The following EPHA3 variants were observed in gnomAD, a reference collection of about 807,000 sequenced individuals.
EPHA3 encodes ephrin type-A receptor 3.
Under a neutral mutation model 107.1 loss-of-function variants are expected in EPHA3, and 42 were observed. That is an observed-to-expected ratio of 0.39 (90% CI 0.31 to 0.51). The LOEUF is 0.51. EPHA3 is among the 20% of genes least tolerant of loss of function. The pLI is 0.78. For missense variants in EPHA3, 1,183 were observed against 1,211.2 expected, an observed-to-expected ratio of 0.98 and a Z score of 0.35; for synonymous variants, 461 against 424.8, an observed-to-expected ratio of 1.09 and a Z score of -1.05.
intron 5 of EPHA3, among the ~76,000 whole-genome samples, chr3:89,360,002 C>T (rs1377883442): frequency 1.3e-5 from 2 of 149,696 alleles, no homozygotes; most frequent in African/African-American, 4.9e-5. Context: ...GTAATGGAGA[C>T]ATTATTACCC....
chr3:89,310,590 A>G (rs1014149153), intron 3 of EPHA3, among the ~76,000 whole-genome samples: 4 of 151,862 alleles, frequency 2.6e-5, no homozygotes, highest in Non-Finnish European at 5.9e-5. Context: ...TCTCCAAAAA[A>G]CAGGGACACA....
At chr3:89,291,548 A>C (rs1168759598) in intron 3 of EPHA3, among the ~76,000 whole-genome samples, 2 of 152,186 alleles carry the variant, frequency 1.3e-5, no homozygotes, top group Non-Finnish European at 2.9e-5. Context: ...TAATCATAAA[A>C]AGATGAAAAA....
chr3:89,388,029 T>C (rs1203712818), intron 5 of EPHA3, among the ~76,000 whole-genome samples: 1 of 152,194 alleles, frequency 6.6e-6, no homozygotes, highest in African/African-American at 2.4e-5. Flanking sequence ...TATTATGTCT[T>C]AGAATATTTT....
chr3:89,309,034 A>G (rs1183298618), intron 3 of EPHA3, among the ~76,000 whole-genome samples: 1 of 152,134 alleles, frequency 6.6e-6, no homozygotes, highest in Non-Finnish European at 1.5e-5. Flanking sequence ...GTGGTGTCTT[A>G]GAAGCCAGGA....
intron 10 of EPHA3, 47 bp downstream of exon 10, chr3:89,413,313 C>A: frequency 1.2e-6 from 2 of 1,607,340 alleles, no homozygotes; most frequent in Non-Finnish European, 1.7e-6. Context: ...ATGTGAATCA[C>A]GATTGCTCAG....
chr3:89,286,119 CGTGT>C (rs373081017), intron 3 of EPHA3, among the ~76,000 whole-genome samples: 8,574 of 136,576 alleles, frequency 0.063, 346 homozygotes, highest in African/African-American at 0.13. Flanking sequence ...TCAATTTCTA[CGTGT>C]GTGTGTGTGT....
chr3:89,121,284 T>G, intron 1 of EPHA3, among the ~76,000 whole-genome samples: 1 of 152,030 alleles, frequency 6.6e-6, no homozygotes, highest in Non-Finnish European at 1.5e-5. Flanking sequence ...CATCATAATT[T>G]TAGCTGTTCA....
chr3:89,232,528 T>C (rs983447758), intron 3 of EPHA3, among the ~76,000 whole-genome samples: 3 of 152,188 alleles, frequency 2.0e-5, no homozygotes, highest in African/African-American at 7.2e-5. Context: ...ATAGGTTCCA[T>C]GTAAAACAAT....
chr3:89,440,623 T>G (rs772315324), intron 13 of EPHA3, among the ~76,000 whole-genome samples: 1 of 152,196 alleles, frequency 6.6e-6, no homozygotes, highest in Admixed American at 6.5e-5. Context: ...TTCATCGAGC[T>G]TAGGGAACTG....
intron 2 of EPHA3, among the ~76,000 whole-genome samples, chr3:89,201,366 G>C (rs1205442868): frequency 6.6e-6 from 1 of 151,928 alleles, no homozygotes; most frequent in African/African-American, 2.4e-5. Flanking sequence ...CAGAGCCAAC[G>C]GTTAGAAAAA....
chr3:89,162,944 G>A (rs1427118434), intron 2 of EPHA3, among the ~76,000 whole-genome samples: 1 of 152,164 alleles, frequency 6.6e-6, no homozygotes, highest in Non-Finnish European at 1.5e-5. Flanking sequence ...TCAATGAAGA[G>A]GTATTCAGGT....
At position 89,399,597 on chromosome 3, in the gene EPHA3, T is replaced by C. The variant is rs1708916809; in HGVS notation, c.1594+117T>C. 7 of 1,443,894 alleles carry C rather than the reference T, an allele frequency of 4.8e-6. No individual in the cohort carries two copies. In the African/African-American group the frequency reaches 8.4e-5, roughly 17 times the overall value. The allele number at this position is 1,443,894 out of a possible 1,614,324, so 89.4% of individuals were successfully genotyped here. The stretch of plus-strand genomic sequence containing the variant: ...CAAATGTGATACATTTAAGGTATAT[T>C]GCTTGGGACATTGCAATTTGCAGAG... On this transcript the variant is annotated intron_variant, in intron 7 of 16. Coordinates refer to ENST00000336596, the MANE Select transcript of EPHA3 (RefSeq NM_005233.6).
chr3:89,337,043 A>G (rs1707408132), intron 3 of EPHA3, among the ~76,000 whole-genome samples: 2 of 151,746 alleles, frequency 1.3e-5, no homozygotes, highest in South Asian at 4.2e-4. Flanking sequence ...GGGTGAGAAG[A>G]GCAAGACCCT....
chr3:89,437,666 G>T (rs754405207), intron 13 of EPHA3, among the ~76,000 whole-genome samples: 34 of 152,044 alleles, frequency 2.2e-4, no homozygotes, highest in Non-Finnish European at 4.4e-4. Context: ...CATCTATATA[G>T]ATGAATATTT....
chr3:89,417,633 G>A (rs994031999), intron 10 of EPHA3, among the ~76,000 whole-genome samples: 3 of 151,038 alleles, frequency 2.0e-5, no homozygotes, highest in African/African-American at 4.9e-5. Flanking sequence ...TTCTTCCTTC[G>A]AATTAGCAAG....
intron 1 of EPHA3, among the ~76,000 whole-genome samples, chr3:89,117,712 T>A (rs1707289408): frequency 6.6e-6 from 1 of 151,664 alleles, no homozygotes; most frequent in Admixed American, 6.6e-5. Flanking sequence ...ATGGCATAAT[T>A]TTTTTTTGAA....
intron 3 of EPHA3, among the ~76,000 whole-genome samples, chr3:89,330,281 C>T (rs1707257349): frequency 6.6e-6 from 1 of 151,986 alleles, no homozygotes; most frequent in Non-Finnish European, 1.5e-5. Context: ...CTTTATTTTT[C>T]TGTTACCTGA....
intron 3 of EPHA3, among the ~76,000 whole-genome samples, chr3:89,327,535 G>A (rs1707191688): frequency 6.6e-6 from 1 of 152,126 alleles, no homozygotes; most frequent in Non-Finnish European, 1.5e-5. Context: ...GTTATACTGA[G>A]GGCACGTTAG....
chr3:89,216,395 A>G, intron 3 of EPHA3, among the ~76,000 whole-genome samples: 1 of 151,986 alleles, frequency 6.6e-6, no homozygotes, highest in Non-Finnish European at 1.5e-5. Context: ...AAATTGTCCA[A>G]GAAAAAGACA....
Sources: allele counts gnomAD v4.1 joint callset (sites outside exome capture counted in the v4.1 genomes callset), GRCh38; gene constraint gnomAD v4.1.1; transcripts MANE v1.5; gene names NCBI Gene and HGNC (gene_info 2026-07-23, HGNC 2026-07-21).